STK33: variants seen among roughly 807,000 people sequenced by gnomAD.
STK33 encodes serine/threonine kinase 33, also known as serine/threonine-protein kinase 33.
A neutral mutation model predicts 58.0 loss-of-function variants in STK33; 52 were observed. The ratio of observed to expected loss-of-function variants is 0.90; its 90% confidence interval spans 0.72 to 1.13. The LOEUF (loss-of-function observed/expected upper bound fraction) is 1.13, where lower values mean the gene tolerates loss of function less well. STK33 is among the 50% of genes most tolerant of loss of function. The pLI, the probability that STK33 is intolerant of heterozygous loss-of-function variation, is 0.00. For synonymous variants in STK33, 215 were observed against 200.1 expected, an observed-to-expected ratio of 1.07 and a Z score of -0.63; for missense variants, 630 against 604.2, an observed-to-expected ratio of 1.04 and a Z score of -0.45.
chr11:8,587,691 G>T (rs2031930102), intron 1 of STK33, among the ~76,000 whole-genome samples: 1 of 152,122 alleles, frequency 6.6e-6, no homozygotes, highest in Non-Finnish European at 1.5e-5. Context: ...CTCCCATGAG[G>T]CTGTAGGGAA....
chr11:8,417,791 G>A (rs558897437), intron 14 of STK33, among the ~76,000 whole-genome samples: 5 of 152,232 alleles, frequency 3.3e-5, no homozygotes, highest in Admixed American at 3.3e-4. Context: ...AAAAATTTAA[G>A]TTTGATATTC....
chr11:8,360,052 A>G, the STK33 span, among the ~76,000 whole-genome samples: 45 of 152,384 alleles, frequency 3.0e-4, no homozygotes, highest in African/African-American at 1.1e-3. Context: ...CCCCTGCACA[A>G]GAGGACTGCT....
chr11:8,522,348 A>G (rs569813657), intron 1 of STK33, among the ~76,000 whole-genome samples: 3 of 152,278 alleles, frequency 2.0e-5, no homozygotes, highest in Non-Finnish European at 4.4e-5. Context: ...GCTAGAAACC[A>G]TGATTCTGAG....
At chr11:8,492,225 G>A (rs201855529) in intron 1 of STK33, among the ~76,000 whole-genome samples, 19 of 145,284 alleles carry the variant, frequency 1.3e-4, no homozygotes, top group South Asian at 2.2e-4. Flanking sequence ...ACACACATAG[G>A]CTCAAAATAA....
intron 14 of STK33, among the ~76,000 whole-genome samples, chr11:8,422,167 T>C (rs1270863819): frequency 6.6e-6 from 1 of 152,160 alleles, no homozygotes; most frequent in Non-Finnish European, 1.5e-5. Flanking sequence ...TTCTTTTCTT[T>C]TTAATCATGA....
chr11:8,450,865 T>A (rs1189185838), intron 11 of STK33, among the ~76,000 whole-genome samples: 2 of 152,140 alleles, frequency 1.3e-5, no homozygotes, highest in Non-Finnish European at 2.9e-5. Flanking sequence ...AAGAGAAAAA[T>A]ACGATTATCT....
At chr11:8,443,728 G>A (rs903154644) in intron 11 of STK33, among the ~76,000 whole-genome samples, 1 of 152,172 alleles carries the variant, frequency 6.6e-6, no homozygotes, top group Non-Finnish European at 1.5e-5. Context: ...ACTAGCCACA[G>A]TGGCTCATAC....
At chr11:8,545,838 C>T (rs11826446) in intron 1 of STK33, among the ~76,000 whole-genome samples, 3,599 of 152,274 alleles carry the variant, frequency 0.024, 143 homozygotes, top group African/African-American at 0.081. Context: ...TGTTGCTTAA[C>T]AATGGGAATA....
rs764121285 is a variant in STK33 at position 8,436,154 on chromosome 11, A to G, written c.948-15T>C. ...CTCCACGTAATCTGCAACAAAGGCA[A>G]TCACTTTGTTTAAATTTTTTAAATA... On this transcript the variant is annotated splice_polypyrimidine_tract_variant and intron_variant, in intron 12 of 15. Transcript: ENST00000687296. 8 of 1,465,004 alleles carry G rather than the reference A, an allele frequency of 5.5e-6. No individual in the cohort carries two copies. In the African/African-American group the frequency reaches 8.5e-5, roughly 16 times the overall value. 90.8% of individuals were successfully genotyped at this position (1,465,004 alleles called of 1,614,324 possible).
intron 14 of STK33, among the ~76,000 whole-genome samples, chr11:8,433,619 C>G (rs1348411146): frequency 6.6e-6 from 1 of 152,170 alleles, no homozygotes; most frequent in Admixed American, 6.6e-5. Flanking sequence ...GATTCACCAT[C>G]CGTGTCCCAG....
At chr11:8,398,577 T>G (rs570719526) in intron 15 of STK33, among the ~76,000 whole-genome samples, 2 of 152,118 alleles carry the variant, frequency 1.3e-5, no homozygotes, top group Admixed American at 1.3e-4. Context: ...AACCAGCTAA[T>G]ATCATAATGA....
chr11:8,472,990 ATAAT>A lies in STK33; in HGVS notation c.339+169_339+172del, dbSNP rs1948922129. Among the ~76,000 whole-genome samples the A allele has an allele frequency of 2.0e-5, 3 of 152,360 alleles. No individual in the cohort carries two copies. In the Middle Eastern group the frequency reaches 0.01, roughly 518 times the overall value. Reference sequence around the variant, plus strand: ...CCACTTGGTCCTCCATAAACAGAAGATAATTAATCTGTATTTTCTTTAGTAAAAA... The same window carrying A: ...CCACTTGGTCCTCCATAAACAGAAGATAATCTGTATTTTCTTTAGTAAAAA... On this transcript the variant is annotated intron_variant, in intron 6 of 15. Transcript: ENST00000687296.
Position 8,392,429 on chromosome 11 carries a change from G to A in STK33, c.*81C>T, listed in dbSNP as rs967844742. 2.6e-6 allele frequency: 4 copies of A among 1,529,800 alleles called. No individual in the cohort carries two copies. The highest frequency in any genetic ancestry group is 3.6e-6 in the Non-Finnish European group (4 of 1,111,368). The allele number at this position is 1,529,800 out of a possible 1,614,324, so 94.8% of individuals were successfully genotyped here. ...AAGGCTACAAGCTCAGCATAGGGCT[G>A]TCTTCTTCCCCTCCTACCCCCTCAT... is the stretch of plus-strand genomic sequence containing the variant. On this transcript the variant is annotated 3_prime_UTR_variant, in exon 16 of 16. Coordinates refer to ENST00000687296, the MANE Select transcript of STK33 (RefSeq NM_001352389.2).
chr11:8,416,748 TA>T (rs901073320), intron 14 of STK33, among the ~76,000 whole-genome samples: 2 of 152,168 alleles, frequency 1.3e-5, no homozygotes, highest in African/African-American at 4.8e-5. Flanking sequence ...TCTCATTCTA[TA>T]GAGACTGTGG....
intron 15 of STK33, among the ~76,000 whole-genome samples, chr11:8,398,714 C>T (rs1458670749): frequency 2.2e-4 from 34 of 151,844 alleles, no homozygotes; most frequent in Non-Finnish European, 1.5e-4. Context: ...ATTCAGGAAA[C>T]TCATCTCACG....
At chr11:8,474,552 A>C in intron 5 of STK33, 129 bp downstream of exon 5, 2 of 647,992 alleles carry the variant, frequency 3.1e-6, no homozygotes, top group South Asian at 5.7e-5. Flanking sequence ...TCTGTGAGAA[A>C]GAAATGTTTA....
chr11:8,447,988 C>G (rs111708843), intron 11 of STK33, among the ~76,000 whole-genome samples: 3,164 of 152,196 alleles, frequency 0.021, 121 homozygotes, highest in African/African-American at 0.074. Flanking sequence ...TCTTATACAC[C>G]AATAACAGAC....
the STK33 span, among the ~76,000 whole-genome samples, chr11:8,348,775 C>T: frequency 2.6e-5 from 4 of 152,118 alleles, no homozygotes; most frequent in South Asian, 2.1e-4. Context: ...GAAGTCTGCA[C>T]GTTGAGTCTG....
At chr11:8,492,318 T>A (rs1419756094) in intron 1 of STK33, among the ~76,000 whole-genome samples, 1 of 150,442 alleles carries the variant, frequency 6.6e-6, no homozygotes, top group Non-Finnish European at 1.5e-5. Context: ...TAAAACAGAC[T>A]TTAAACCAAC....
Sources: gnomAD v4.1 joint callset for allele counts (sites outside exome capture counted in the v4.1 genomes callset) on GRCh38, gnomAD v4.1.1 for gene constraint, MANE v1.5 for transcripts, NCBI Gene and HGNC (gene_info 2026-07-23, HGNC 2026-07-21) for gene names.